The following NDRG1 variants were observed in gnomAD, a reference collection of about 807,000 sequenced individuals.
NDRG1 encodes N-myc downstream regulated 1, also known as protein NDRG1.
In NDRG1, 32 loss-of-function variants were observed where a neutral mutation model predicts 56.9. That is an observed-to-expected ratio of 0.56 (90% CI 0.42 to 0.76). NDRG1 has a LOEUF of 0.76. Ranked by LOEUF, NDRG1 falls within the 30% of genes least tolerant of loss-of-function variation. The pLI, the probability that NDRG1 is intolerant of heterozygous loss-of-function variation, is 0.00. For synonymous variants in NDRG1, 211 were observed against 204.1 expected (o/e 1.03, Z -0.29); for missense variants, 507 against 545.7 (o/e 0.93, Z 0.71).
chr8:133,261,898 T>C, intron 5 of NDRG1, 149 bp downstream of exon 5: 1 of 1,155,144 alleles, frequency 8.7e-7, no homozygotes, highest in Non-Finnish European at 1.2e-6. Flanking sequence ...TTATGTTATG[T>C]ATCTTTTCCC....
rs1399274978 is a variant in NDRG1, at chr8:133,244,339, C to T, written c.891+16G>A. On this transcript the variant is annotated intron_variant, in intron 14 of 15. Coordinates refer to ENST00000323851, the MANE Select transcript of NDRG1 (RefSeq NM_006096.4). ...AAGCGACAGCTGTATAATGCAAAAG[C>T]CAACATGGCACTCACCTGGGAGATC... The T allele has an allele frequency of 1.2e-6, 2 of 1,614,054 alleles. No individual in the cohort carries two copies. Among genetic ancestry groups the T allele is most frequent in the Non-Finnish European group, 1.7e-6 (2 of 1,180,042 alleles).
intron 7 of NDRG1, among the ~76,000 whole-genome samples, chr8:133,257,314 C>G (rs934388364): frequency 0.02 from 2,376 of 116,198 alleles, 72 homozygotes; most frequent in African/African-American, 0.07. Flanking sequence ...CACACACACA[C>G]ACAGAGAGAG....
At chr8:133,247,426 T>C (rs1417610271) in intron 12 of NDRG1, among the ~76,000 whole-genome samples, 1 of 152,232 alleles carries the variant, frequency 6.6e-6, no homozygotes, top group Non-Finnish European at 1.5e-5. Flanking sequence ...ATTCCTCTCT[T>C]TGCTGCCACA....
chr8:133,265,031 G>A, intron 3 of NDRG1: 1 of 317,362 alleles, frequency 3.2e-6, no homozygotes, highest in Non-Finnish European at 6.2e-6. Flanking sequence ...TACTGTACCT[G>A]TGACTAACAT....
chr8:133,253,528 T>C (rs1335250553), intron 9 of NDRG1, among the ~76,000 whole-genome samples: 1 of 152,194 alleles, frequency 6.6e-6, no homozygotes, highest in Non-Finnish European at 1.5e-5. Context: ...GTGAAGCTCT[T>C]AGGACTGAGC....
At chr8:133,283,929 C>G (rs1219646743) in intron 2 of NDRG1, among the ~76,000 whole-genome samples, 1 of 152,220 alleles carries the variant, frequency 6.6e-6, no homozygotes, top group East Asian at 1.9e-4. Flanking sequence ...TCGATGTCTT[C>G]ACTTTACAAA....
At chr8:133,272,298 A>G (rs971547809) in intron 3 of NDRG1, among the ~76,000 whole-genome samples, 14 of 152,202 alleles carry the variant, frequency 9.2e-5, no homozygotes, top group African/African-American at 3.4e-4. Flanking sequence ...TGTTTGGATT[A>G]GGGTGAAGAG....
rs1411302742 is a variant in NDRG1, at chr8:133,247,929, G to A, written c.756-3C>T. 1 of 1,613,982 alleles carries A rather than the reference G, an allele frequency of 6.2e-7. No homozygotes were observed. The highest frequency in any genetic ancestry group is 2.2e-5 in the East Asian group (1 of 44,884). ...CAACCACCAACAGAGCAGGGCACCTGGGGTCAGGGATAGAGCAGAGAATTA... is the reference window on the plus strand; with the variant it reads ...CAACCACCAACAGAGCAGGGCACCTAGGGTCAGGGATAGAGCAGAGAATTA... On this transcript the variant is annotated splice_region_variant and splice_polypyrimidine_tract_variant and intron_variant, in intron 11 of 15. Coordinates refer to ENST00000323851, the MANE Select transcript of NDRG1 (RefSeq NM_006096.4).
chr8:133,292,081 G>A (rs889787102), intron 1 of NDRG1, among the ~76,000 whole-genome samples: 4 of 152,230 alleles, frequency 2.6e-5, no homozygotes, highest in South Asian at 2.1e-4. Context: ...GAAGACGACC[G>A]TCTGAGGGGA....
intron 15 of NDRG1, chr8:133,239,483 T>C: frequency 2.4e-6 from 1 of 413,876 alleles, no homozygotes; most frequent in Non-Finnish European, 4.5e-6. Flanking sequence ...TCAGCACCTG[T>C]GTGTACGCCC....
chr8:133,238,814 G>T lies in NDRG1; in HGVS notation c.*64C>A, dbSNP rs1855205220. 6.6e-7 allele frequency: 1 copy of T among 1,510,566 alleles called. No individual in the cohort carries two copies. Among genetic ancestry groups the T allele is most frequent in the East Asian group, 2.5e-5 (1 of 40,684 alleles). 93.6% of individuals were successfully genotyped at this position (1,510,566 alleles called of 1,614,324 possible). The stretch of plus-strand genomic sequence containing the variant: ...CAGTATGGCAGGCAGGGGGCGAAAA[G>T]GGGCCGGGGAGGAGGGGGCCACTAC... On this transcript the variant is annotated 3_prime_UTR_variant, in exon 16 of 16. Coordinates refer to ENST00000323851, the MANE Select transcript of NDRG1 (RefSeq NM_006096.4).
chr8:133,280,222 C>T lies in NDRG1; in HGVS notation c.99+10G>A, dbSNP rs1210845048. 2 of 1,613,926 alleles carry T rather than the reference C, an allele frequency of 1.2e-6. No homozygotes were observed. The highest frequency in any genetic ancestry group is 1.3e-5 in the African/African-American group (1 of 74,904). ...GAGGAAGGGGAAGGAAAGCCACATC[C>T]TCTACTTGCCTGGACATCAAACTCT... On this transcript the variant is annotated intron_variant, in intron 3 of 15. Coordinates refer to ENST00000323851, the MANE Select transcript of NDRG1 (RefSeq NM_006096.4).
intron 5 of NDRG1, 57 bp downstream of exon 5, chr8:133,261,990 C>T: frequency 6.5e-7 from 1 of 1,534,148 alleles, no homozygotes; most frequent in Non-Finnish European, 8.8e-7. Context: ...GCACCTGAAC[C>T]CCTCCCCGAC....
intron 13 of NDRG1, among the ~76,000 whole-genome samples, chr8:133,245,647 G>T (rs949688526): frequency 6.6e-6 from 1 of 152,086 alleles, no homozygotes; most frequent in African/African-American, 2.4e-5. Context: ...CCTTCAGAGG[G>T]AGCACGGCCC....
intron 3 of NDRG1, among the ~76,000 whole-genome samples, chr8:133,271,294 C>T (rs2130763591): frequency 6.6e-6 from 1 of 152,270 alleles, no homozygotes; most frequent in African/African-American, 2.4e-5. Context: ...TCTGGAACAG[C>T]TGTCCAGGAA....
At position 133,244,379 on chromosome 8, in the gene NDRG1, A is replaced by G. The variant is rs748786570; in HGVS notation, c.867T>C (p.Cys289=). The G allele has an allele frequency of 2.5e-6, 4 of 1,614,250 alleles. 1 individual carries two copies. The Admixed American group carries it at 6.7e-5, about 27-fold the overall frequency. Residue 289 remains cysteine, a synonymous_variant, in exon 14 of 16, where the codon TGT becomes TGC. Coordinates refer to ENST00000323851, the MANE Select transcript of NDRG1 (RefSeq NM_006096.4). ...CCTGGGAGATCTGCGGGAGGCCGCC[A>G]CAGTCCGCCATCTAGGAGAGAGGGA... ...TKTTLLKMAD[C]GGLPQISQPA...
chr8:133,267,360 C>A (rs749876520), intron 3 of NDRG1, among the ~76,000 whole-genome samples: 17 of 152,156 alleles, frequency 1.1e-4, no homozygotes, highest in Non-Finnish European at 2.1e-4. Flanking sequence ...CTGTACAGGG[C>A]CAGGCCCAGC....
intron 1 of NDRG1, among the ~76,000 whole-genome samples, chr8:133,288,655 C>T (rs1383911132): frequency 2.0e-5 from 3 of 152,212 alleles, no homozygotes; most frequent in Non-Finnish European, 4.4e-5. Context: ...CACTAGAAAG[C>T]ATCAAAGAGG....
intron 3 of NDRG1, among the ~76,000 whole-genome samples, chr8:133,272,005 A>G (rs1857216872): frequency 6.6e-6 from 1 of 152,114 alleles, no homozygotes; most frequent in Non-Finnish European, 1.5e-5. Context: ...CAGAATTAAG[A>G]TTCAAGATAG....
Sources: allele counts gnomAD v4.1 joint callset (sites outside exome capture counted in the v4.1 genomes callset), GRCh38; gene constraint gnomAD v4.1.1; transcripts MANE v1.5; gene names NCBI Gene and HGNC (gene_info 2026-07-23, HGNC 2026-07-21).